The following GRIP1 variants were observed in gnomAD, a reference collection of about 807,000 sequenced individuals.
GRIP1 encodes the protein glutamate receptor-interacting protein 1.
A neutral mutation model predicts 129.9 loss-of-function variants in GRIP1; 45 were observed. The observed-to-expected ratio is 0.35, with a 90% confidence interval of 0.27 to 0.44. The LOEUF (loss-of-function observed/expected upper bound fraction) is 0.44. Among genes scored for constraint, GRIP1 ranks in the 20% least tolerant of loss-of-function variants. The probability of loss-of-function intolerance (pLI) is 1.00; values close to 1 mark genes in which losing one functional copy is unlikely to be tolerated. For synonymous variants in GRIP1, 530 were observed against 520.8 expected, an observed-to-expected ratio of 1.02 and a Z score of -0.24; for missense variants, 1,196 against 1,396.8, an observed-to-expected ratio of 0.86 and a Z score of 2.29.
intron 22 of GRIP1, among the ~76,000 whole-genome samples, chr12:66,373,649 AC>A (rs2055640582): frequency 6.6e-6 from 1 of 152,220 alleles, no homozygotes; most frequent in Non-Finnish European, 1.5e-5. Context: ...ATATCTAACA[AC>A]TTTGTTGAAA....
rs900573539 is a variant in GRIP1 at position 67,044,284 on chromosome 12, T to C, written c.58+24766A>G. 2.4e-4 allele frequency among the ~76,000 whole-genome samples: 36 copies of C among 152,158 alleles called. 1 individual carries two copies. The highest frequency in any genetic ancestry group is 2.4e-3 in the Admixed American group (36 of 15,278). On this transcript the variant is annotated intron_variant, in intron 1 of 1. Transcript: ENST00000643019. ...AAGGGATTTAATCCCAAGAACTTTT[T>C]CCCCTAAATTTAATATGCGAATTGC...
chr12:66,883,560 C>G (rs1226110043), intron 1 of GRIP1, among the ~76,000 whole-genome samples: 2 of 152,130 alleles, frequency 1.3e-5, no homozygotes, highest in Admixed American at 6.5e-5. Context: ...TAAGGACTTT[C>G]CAAACTTGGG....
At chr12:66,656,898 CT>C (rs1196567343) in intron 1 of GRIP1, among the ~76,000 whole-genome samples, 10 of 152,068 alleles carry the variant, frequency 6.6e-5, no homozygotes, top group Non-Finnish European at 1.3e-4. Flanking sequence ...TTTAGTCTCA[CT>C]TGGTTTTTAT....
At chr12:66,482,186 G>T (rs899984183) in intron 7 of GRIP1, among the ~76,000 whole-genome samples, 3 of 152,076 alleles carry the variant, frequency 2.0e-5, no homozygotes, top group Admixed American at 1.3e-4. Flanking sequence ...TCCACAGAAG[G>T]TGCCTGATGC....
chr12:66,850,717 A>G (rs2039895472), intron 1 of GRIP1, among the ~76,000 whole-genome samples: 1 of 152,012 alleles, frequency 6.6e-6, no homozygotes, highest in African/African-American at 2.4e-5. Flanking sequence ...TCAAAAGTAC[A>G]TCTTTCTGAT....
At chr12:66,682,012 G>C (rs1409239861), upstream of GRIP1, among the ~76,000 whole-genome samples, 1 of 152,162 alleles carries the variant, frequency 6.6e-6, no homozygotes, top group Non-Finnish European at 1.5e-5. Context: ...TTTCAGAGAA[G>C]GTGTTTTTCA....
intron 1 of GRIP1, among the ~76,000 whole-genome samples, chr12:66,684,303 C>T (rs1474569685): frequency 6.6e-6 from 1 of 152,150 alleles, no homozygotes; most frequent in Non-Finnish European, 1.5e-5. Context: ...AAAACGCACC[C>T]TTTTCCACAA....
In GRIP1 at chr12:66,965,549, T is replaced by TTGTGTGTGTGTGTGTGTGTG. The variant is rs368637185; in HGVS notation, c.58+103481_58+103500dup. ...TTCTTAGGCTACTGGAAAAGAAACATTGTGTGTGTGTGTGTGTGTGTGTGT... is the reference window on the plus strand; with the variant it reads ...TTCTTAGGCTACTGGAAAAGAAACATTGTGTGTGTGTGTGTGTGTGTGTGTGTGTGTGTGTGTGTGTGTGT... On this transcript the variant is annotated intron_variant, in intron 1 of 1. Coordinates refer to the GRIP1 transcript ENST00000643019. 5.2e-4 allele frequency among the ~76,000 whole-genome samples: 67 copies of TTGTGTGTGTGTGTGTGTGTG among 128,338 alleles called. 2 individuals are homozygous for TTGTGTGTGTGTGTGTGTGTG. The highest frequency in any genetic ancestry group is 1.4e-3 in the East Asian group (5 of 3,692). 84.2% of individuals were successfully genotyped at this position (128,338 alleles called of 152,430 possible).
intron 1 of GRIP1, among the ~76,000 whole-genome samples, chr12:66,631,693 T>C (rs2030802994): frequency 6.6e-6 from 1 of 152,214 alleles, no homozygotes; most frequent in Non-Finnish European, 1.5e-5. Flanking sequence ...AGACAAGTGA[T>C]ACTATGCTTA....
chr12:66,517,558 T>G (rs1012379236), intron 6 of GRIP1, among the ~76,000 whole-genome samples: 1 of 152,144 alleles, frequency 6.6e-6, no homozygotes, highest in Admixed American at 6.6e-5. Flanking sequence ...CTGAGTTCTG[T>G]AAGTACCTCC....
intron 1 of GRIP1, among the ~76,000 whole-genome samples, chr12:66,722,389 T>C (rs762702628): frequency 1.1e-4 from 16 of 152,154 alleles, no homozygotes; most frequent in Admixed American, 2.0e-4. Flanking sequence ...AATTGGCCAG[T>C]GGCATAATCA....
chr12:67,053,979 T>C (rs756549141), intron 1 of GRIP1, among the ~76,000 whole-genome samples: 7 of 152,248 alleles, frequency 4.6e-5, no homozygotes, highest in Admixed American at 6.5e-5. Context: ...GACCACTCTA[T>C]AGATTTCCAG....
chr12:66,831,341 T>A (rs58759095), intron 1 of GRIP1, among the ~76,000 whole-genome samples: 10,646 of 152,274 alleles, frequency 0.07, 494 homozygotes, highest in South Asian at 0.12. Flanking sequence ...ATTATGTTAA[T>A]GTTATTTATA....
At chr12:66,477,099 C>A (rs989792965) in intron 7 of GRIP1, among the ~76,000 whole-genome samples, 1 of 152,158 alleles carries the variant, frequency 6.6e-6, no homozygotes, top group African/African-American at 2.4e-5. Flanking sequence ...TCCCTGTTTG[C>A]AGATGACATG....
rs114559392 is a variant in GRIP1, at chr12:66,796,072, C to A, written c.-420+7981G>T. ...AGACAGAGCAAACCATCTTTTCATA[C>A]CCCCAAATCACCACCCCCACTTTAG... On this transcript the variant is annotated intron_variant, in intron 1 of 4. Transcript: ENST00000538373. 2.2e-3 allele frequency among the ~76,000 whole-genome samples: 337 copies of A among 151,946 alleles called. 5 individuals are homozygous for A. The highest frequency in any genetic ancestry group is 7.8e-3 in the African/African-American group (325 of 41,456).
In GRIP1 at chr12:66,377,267, A is replaced by G. The variant is rs775421850; in HGVS notation, c.2640T>C (p.Asp880=). The part of the protein sequence containing the change: ...STASGFAGAA[D]SAETEQEENF... ...TCTCCTCTTGTTCTGTCTCTGCACT[A>G]TCGGCAGCCCCTGCAAAACTGTTGT... Residue 880 remains aspartate, a synonymous_variant, in exon 21 of 25, where the codon GAT becomes GAC. Transcript: ENST00000359742. 6.2e-7 allele frequency: 1 copy of G among 1,612,072 alleles called. No individual in the cohort carries two copies. Among genetic ancestry groups the G allele is most frequent in the East Asian group, 2.2e-5 (1 of 44,880 alleles).
chr12:66,744,553 G>T (rs2036886998), intron 1 of GRIP1, among the ~76,000 whole-genome samples: 2 of 152,094 alleles, frequency 1.3e-5, no homozygotes, highest in South Asian at 4.1e-4. Context: ...TTGAATAATA[G>T]TTCCTGATTG....
At chr12:66,354,056 T>A (rs2054359815) in intron 23 of GRIP1, among the ~76,000 whole-genome samples, 1 of 152,140 alleles carries the variant, frequency 6.6e-6, no homozygotes, top group Admixed American at 6.5e-5. Context: ...TTTTATTTGC[T>A]CTGGAACCCC....
At chr12:66,804,203 G>C (rs1478176941), upstream of GRIP1, 4 of 450,260 alleles carry the variant, frequency 8.9e-6, no homozygotes, top group African/African-American at 6.0e-5. Flanking sequence ...TCACCGTGCA[G>C]CGCGGCACAG....
Sources: gnomAD v4.1 joint callset for allele counts (sites outside exome capture counted in the v4.1 genomes callset) on GRCh38, gnomAD v4.1.1 for gene constraint, MANE v1.5 for transcripts, NCBI Gene and HGNC (gene_info 2026-07-23, HGNC 2026-07-21) for gene names.